NKAIN2: variants seen among roughly 807,000 people sequenced by gnomAD.
NKAIN2 encodes sodium/potassium transporting ATPase interacting 2, also known as sodium/potassium-transporting ATPase subunit beta-1-interacting protein 2.
Under a neutral mutation model 32.6 loss-of-function variants are expected in NKAIN2, and 14 were observed. That is an observed-to-expected ratio of 0.43 (90% CI 0.28 to 0.67). The LOEUF (loss-of-function observed/expected upper bound fraction) is 0.67, where lower values mean the gene tolerates loss of function less well. NKAIN2 is among the 30% of genes least tolerant of loss of function. The pLI is 0.17. For synonymous variants in NKAIN2, 80 were observed against 87.2 expected (o/e 0.92, Z 0.46); for missense variants, 198 against 258.3 (o/e 0.77, Z 1.60).
intron 1 of NKAIN2, among the ~76,000 whole-genome samples, chr6:123,851,987 G>A (rs189531848): frequency 2.2e-4 from 33 of 151,756 alleles, no homozygotes; most frequent in African/African-American, 7.7e-4. Flanking sequence ...TTATACTTTT[G>A]TTGCTTATGC....
intron 1 of NKAIN2, among the ~76,000 whole-genome samples, chr6:123,967,459 G>A (rs892149649): frequency 6.6e-6 from 1 of 152,102 alleles, no homozygotes; most frequent in Non-Finnish European, 1.5e-5. Context: ...CTTACAACTT[G>A]CCCCCCTTTT....
chr6:124,584,470 T>C (rs760793369), intron 3 of NKAIN2, among the ~76,000 whole-genome samples: 7 of 151,734 alleles, frequency 4.6e-5, no homozygotes, highest in Non-Finnish European at 8.8e-5. Flanking sequence ...TGGCCAACAT[T>C]GTGGAACCCC....
intron 1 of NKAIN2, among the ~76,000 whole-genome samples, chr6:124,220,916 G>C (rs1791779249): frequency 6.6e-6 from 1 of 151,970 alleles, no homozygotes; most frequent in African/African-American, 2.4e-5. Flanking sequence ...TTCAAAATCT[G>C]GCTGCTCTAT....
At chr6:123,873,034 A>G (rs1772978591) in intron 1 of NKAIN2, among the ~76,000 whole-genome samples, 1 of 152,202 alleles carries the variant, frequency 6.6e-6, no homozygotes, top group South Asian at 2.1e-4. Context: ...ACTTTGAGCA[A>G]GATGGACAAG....
intron 1 of NKAIN2, among the ~76,000 whole-genome samples, chr6:123,966,750 G>T (rs151210286): frequency 3.4e-3 from 525 of 152,264 alleles, no homozygotes; most frequent in Non-Finnish European, 5.9e-3. Context: ...TCTTTAAAAT[G>T]CTGATATTAT....
intron 1 of NKAIN2, among the ~76,000 whole-genome samples, chr6:124,269,085 AG>A (rs1315977482): frequency 1.3e-5 from 2 of 152,200 alleles, no homozygotes; most frequent in Non-Finnish European, 2.9e-5. Context: ...TTCATGTTTA[AG>A]GTACCTTGAC....
chr6:124,757,021 C>A (rs1456610709), intron 4 of NKAIN2, among the ~76,000 whole-genome samples: 1 of 152,004 alleles, frequency 6.6e-6, no homozygotes, highest in African/African-American at 2.4e-5. Context: ...AAGTTTTGTA[C>A]AAAACCTGTA....
At chr6:123,983,637 C>A (rs1038340059) in intron 1 of NKAIN2, among the ~76,000 whole-genome samples, 1 of 152,094 alleles carries the variant, frequency 6.6e-6, no homozygotes. Context: ...ACTATTTCCA[C>A]ACTACCCCCC....
intron 4 of NKAIN2, among the ~76,000 whole-genome samples, chr6:124,682,309 G>C (rs551092201): frequency 1.2e-3 from 178 of 152,162 alleles, no homozygotes; most frequent in African/African-American, 4.2e-3. Context: ...TGACCTTGTA[G>C]TCATAAGTTA....
At chr6:124,468,790 G>GCT (rs1776860138) in intron 3 of NKAIN2, among the ~76,000 whole-genome samples, 1 of 152,174 alleles carries the variant, frequency 6.6e-6, no homozygotes, top group Non-Finnish European at 1.5e-5. Flanking sequence ...ACTTGAGGCA[G>GCT]AGTACAGTTG....
chr6:124,798,560 G>A (rs1415665518), intron 5 of NKAIN2, among the ~76,000 whole-genome samples: 1 of 152,074 alleles, frequency 6.6e-6, no homozygotes, highest in Non-Finnish European at 1.5e-5. Flanking sequence ...TCCTAGTGGG[G>A]CCAAGGTGAA....
intron 3 of NKAIN2, among the ~76,000 whole-genome samples, chr6:124,511,179 G>A (rs1562229801): frequency 6.6e-6 from 1 of 152,144 alleles, no homozygotes; most frequent in South Asian, 2.1e-4. Flanking sequence ...TATTTCCAGA[G>A]ATTGGTTTTA....
At chr6:124,789,299 C>A (rs921433970) in intron 4 of NKAIN2, among the ~76,000 whole-genome samples, 4 of 151,982 alleles carry the variant, frequency 2.6e-5, no homozygotes, top group African/African-American at 2.4e-5. Flanking sequence ...GTAATTAGGA[C>A]AAATTGCTTT....
At chr6:124,141,837 C>T (rs1787155179) in intron 1 of NKAIN2, among the ~76,000 whole-genome samples, 1 of 152,144 alleles carries the variant, frequency 6.6e-6, no homozygotes, top group African/African-American at 2.4e-5. Flanking sequence ...TTGAACCCAA[C>T]CTCAGTGCTT....
chr6:123,985,111 G>A (rs1779076649), intron 1 of NKAIN2, among the ~76,000 whole-genome samples: 1 of 152,228 alleles, frequency 6.6e-6, no homozygotes, highest in Admixed American at 6.5e-5. Flanking sequence ...GTAAAAAATT[G>A]TATCAGGCCA....
intron 3 of NKAIN2, among the ~76,000 whole-genome samples, chr6:124,408,611 A>T (rs1289517010): frequency 6.6e-6 from 1 of 152,136 alleles, no homozygotes; most frequent in South Asian, 2.1e-4. Flanking sequence ...CTTGTAGTAA[A>T]GTTTGAAGTC....
intron 1 of NKAIN2, among the ~76,000 whole-genome samples, chr6:124,058,684 C>G (rs573524785): frequency 1.6e-4 from 25 of 151,780 alleles, no homozygotes; most frequent in African/African-American, 6.0e-4. Context: ...TTTGTATGAC[C>G]CTTGAGCTAA....
chr6:124,177,620 T>G lies in NKAIN2; in HGVS notation c.55-105385T>G, dbSNP rs1789225507. Reference sequence around the variant, plus strand: ...TGTGTTTTACGTACATTGTTATGGTTGAAAGTTTTTTTTTCCCCAAAATCT... The same window carrying G: ...TGTGTTTTACGTACATTGTTATGGTGGAAAGTTTTTTTTTCCCCAAAATCT... On this transcript the variant is annotated intron_variant, in intron 1 of 6. Coordinates refer to ENST00000368417, the MANE Select transcript of NKAIN2 (RefSeq NM_001040214.3). Among the ~76,000 whole-genome samples, 6 of 152,172 alleles carry G rather than the reference T, an allele frequency of 3.9e-5. No individual in the cohort carries two copies. In the South Asian group the frequency reaches 8.3e-4, roughly 21 times the overall value.
chr6:124,144,618 C>A (rs528596444), intron 1 of NKAIN2, among the ~76,000 whole-genome samples: 17 of 152,020 alleles, frequency 1.1e-4, no homozygotes, highest in Non-Finnish European at 2.2e-4. Context: ...TAATAACGGT[C>A]ATTAAAAGTT....
Sources: allele counts gnomAD v4.1 joint callset (sites outside exome capture counted in the v4.1 genomes callset), GRCh38; gene constraint gnomAD v4.1.1; transcripts MANE v1.5; gene names NCBI Gene and HGNC (gene_info 2026-07-23, HGNC 2026-07-21).